Variants in CADPS observed in about 807,000 individuals in gnomAD.
CADPS encodes calcium dependent secretion activator, also known as calcium-dependent secretion activator 1.
Under a neutral mutation model 167.3 loss-of-function variants are expected in CADPS, and 57 were observed. The ratio of observed to expected loss-of-function variants is 0.34; its 90% confidence interval spans 0.28 to 0.42. The LOEUF (loss-of-function observed/expected upper bound fraction) is 0.42. CADPS is among the 20% of genes least tolerant of loss of function. CADPS has a pLI of 1.00. For missense variants in CADPS, 1,414 were observed against 1,738.1 expected, an observed-to-expected ratio of 0.81 and a Z score of 3.32; for synonymous variants, 676 against 635.3, an observed-to-expected ratio of 1.06 and a Z score of -0.96.
At chr3:62,816,613 T>A (rs1192231549) in intron 1 of CADPS, among the ~76,000 whole-genome samples, 1 of 151,762 alleles carries the variant, frequency 6.6e-6, no homozygotes, top group Non-Finnish European at 1.5e-5. Flanking sequence ...CAGCCATGGC[T>A]AAATGAAGCC....
chr3:62,530,982 A>T (rs1577298767), intron 13 of CADPS, among the ~76,000 whole-genome samples: 1 of 152,340 alleles, frequency 6.6e-6, no homozygotes, highest in East Asian at 1.9e-4. Flanking sequence ...GCAAACTTGC[A>T]TAAGGAAAAT....
intron 1 of CADPS, among the ~76,000 whole-genome samples, chr3:62,798,748 C>T (rs2093600235): frequency 6.6e-6 from 1 of 152,114 alleles, no homozygotes; most frequent in African/African-American, 2.4e-5. Flanking sequence ...TCTCATTAAT[C>T]TTTCCACATA....
At chr3:62,776,610 C>T (rs996053862) in intron 1 of CADPS, among the ~76,000 whole-genome samples, 3 of 152,044 alleles carry the variant, frequency 2.0e-5, no homozygotes, top group East Asian at 1.9e-4. Context: ...GTGGAGATTG[C>T]GCCACTGCAC....
At chr3:62,524,339 T>C (rs1006148108) in intron 13 of CADPS, among the ~76,000 whole-genome samples, 1 of 152,182 alleles carries the variant, frequency 6.6e-6, no homozygotes, top group Non-Finnish European at 1.5e-5. Context: ...ACTGCTTCAT[T>C]ATGAAAGCCA....
chr3:62,629,830 T>C (rs544879515), intron 6 of CADPS, among the ~76,000 whole-genome samples: 11 of 152,154 alleles, frequency 7.2e-5, no homozygotes, highest in Non-Finnish European at 1.3e-4. Context: ...TCTTGGGGAC[T>C]TTAAACTTGC....
chr3:62,504,190 T>C (rs938949091), intron 17 of CADPS, among the ~76,000 whole-genome samples: 3 of 152,148 alleles, frequency 2.0e-5, no homozygotes, highest in African/African-American at 7.2e-5. Flanking sequence ...CTTATTGAAA[T>C]TGTTTGGGAA....
intron 1 of CADPS, among the ~76,000 whole-genome samples, chr3:62,847,109 C>T (rs1415459848): frequency 6.6e-6 from 1 of 152,152 alleles, no homozygotes. Context: ...CTAGTAGCCT[C>T]CTAAGTCCTT....
At chr3:62,530,026 A>G (rs1439450166) in intron 13 of CADPS, among the ~76,000 whole-genome samples, 1 of 152,204 alleles carries the variant, frequency 6.6e-6, no homozygotes, top group Non-Finnish European at 1.5e-5. Context: ...CCGCAAAGAA[A>G]GGACATAGGA....
chr3:62,806,128 TAC>T (rs898753988), intron 1 of CADPS, among the ~76,000 whole-genome samples: 11 of 152,114 alleles, frequency 7.2e-5, no homozygotes, highest in African/African-American at 2.7e-4. Context: ...CTATGACTGA[TAC>T]AGAGGAATGA....
chr3:62,592,463 G>A (rs989317319), intron 7 of CADPS, among the ~76,000 whole-genome samples, 174 bp downstream of exon 7: 2 of 152,154 alleles, frequency 1.3e-5, no homozygotes, highest in African/African-American at 2.4e-5. Context: ...GGCTCAGAGA[G>A]GTTGAGGAAC....
At chr3:62,713,592 C>T (rs1456176682) in intron 3 of CADPS, among the ~76,000 whole-genome samples, 1 of 152,232 alleles carries the variant, frequency 6.6e-6, no homozygotes, top group African/African-American at 2.4e-5. Flanking sequence ...GGCATACTGC[C>T]TGTGCGTTAG....
At chr3:62,829,406 A>G (rs1029402078) in intron 1 of CADPS, among the ~76,000 whole-genome samples, 1 of 152,174 alleles carries the variant, frequency 6.6e-6, no homozygotes, top group Admixed American at 6.6e-5. Context: ...TTTATATAAG[A>G]GACTTGAGCA....
At chr3:62,700,169 G>C (rs2081133501) in intron 3 of CADPS, among the ~76,000 whole-genome samples, 1 of 152,072 alleles carries the variant, frequency 6.6e-6, no homozygotes, top group Non-Finnish European at 1.5e-5. Context: ...CCTATGGTAA[G>C]AAATATATCT....
chr3:62,591,044 G>T (rs1344614649), intron 7 of CADPS, among the ~76,000 whole-genome samples: 1 of 152,080 alleles, frequency 6.6e-6, no homozygotes, highest in Non-Finnish European at 1.5e-5. Context: ...TTTTAGTAGA[G>T]ATGGGGTTTC....
rs150582788 is a variant in CADPS at position 62,743,444 on chromosome 3, G to C, written c.888+9997C>G. Among the ~76,000 whole-genome samples, 118 of 152,240 alleles carry C rather than the reference G, an allele frequency of 7.8e-4. 2 individuals carry two copies. In the East Asian group the frequency reaches 0.022, roughly 29 times the overall value. On this transcript the variant is annotated intron_variant, in intron 3 of 29. Coordinates refer to ENST00000383710, the MANE Select transcript of CADPS (RefSeq NM_003716.4). The stretch of plus-strand genomic sequence containing the variant: ...AGCCTAAAATATTTACCAACTCCTA[G>C]TTTATTTATTAACTGAAAAGCTTTG...
intron 6 of CADPS, among the ~76,000 whole-genome samples, chr3:62,631,287 A>G (rs141142594): frequency 1.3e-5 from 2 of 152,282 alleles, no homozygotes; most frequent in African/African-American, 2.4e-5. Flanking sequence ...TGCTTGGCAG[A>G]CCCATTGTCA....
At position 62,772,769 on chromosome 3, in the gene CADPS, C is replaced by T. The variant is rs145347605; in HGVS notation, c.442-6785G>A. ...TTGGTTAATATGTGTCCTATTGCAA[C>T]AGCAACTGTATCAGAAAGAAGGGAG... is the stretch of plus-strand genomic sequence containing the variant. On this transcript the variant is annotated intron_variant, in intron 1 of 29. Coordinates refer to ENST00000383710, the MANE Select transcript of CADPS (RefSeq NM_003716.4). Among the ~76,000 whole-genome samples the T allele has an allele frequency of 3.5e-4, 54 of 152,242 alleles. 1 individual carries two copies. In the East Asian group the frequency reaches 9.9e-3, roughly 28 times the overall value.
intron 6 of CADPS, among the ~76,000 whole-genome samples, chr3:62,619,618 A>G (rs2062855975): frequency 1.3e-5 from 2 of 152,166 alleles, no homozygotes; most frequent in African/African-American, 4.8e-5. Flanking sequence ...TAGTCCCTGC[A>G]ACCCCTCTGC....
chr3:62,530,330 G>A (rs1327266177), intron 13 of CADPS, among the ~76,000 whole-genome samples: 1 of 152,040 alleles, frequency 6.6e-6, no homozygotes, highest in East Asian at 1.9e-4. Context: ...TATTATGAAT[G>A]ACTTGGTAAG....
Sources: gnomAD v4.1 joint callset for allele counts (sites outside exome capture counted in the v4.1 genomes callset) on GRCh38, gnomAD v4.1.1 for gene constraint, MANE v1.5 for transcripts, NCBI Gene and HGNC (gene_info 2026-07-23, HGNC 2026-07-21) for gene names.